Variants in LRRTM3 observed in about 807,000 individuals in gnomAD.
The protein encoded by LRRTM3 is leucine rich repeat transmembrane neuronal 3.
Under a neutral mutation model 44.7 loss-of-function variants are expected in LRRTM3, and 24 were observed. The observed-to-expected ratio is 0.54, with a 90% CI of 0.39 to 0.76. The LOEUF is 0.76. Among genes scored for constraint, LRRTM3 ranks in the 30% least tolerant of loss-of-function variants. LRRTM3 has a pLI of 0.00. For missense variants in LRRTM3, 587 were observed against 702.2 expected (o/e 0.84, Z 1.85); for synonymous variants, 277 against 278.7 (o/e 0.99, Z 0.06).
At chr10:66,978,506 G>A (rs1468379335) in intron 2 of LRRTM3, among the ~76,000 whole-genome samples, 1 of 78,530 alleles carries the variant, frequency 1.3e-5, no homozygotes, top group African/African-American at 4.3e-5. Flanking sequence ...CAGCCTGGAT[G>A]ATAGAGTGAG....
intron 2 of LRRTM3, among the ~76,000 whole-genome samples, chr10:67,013,776 T>G (rs986810152): frequency 6.6e-6 from 1 of 152,112 alleles, no homozygotes; most frequent in African/African-American, 2.4e-5. Flanking sequence ...ATCCTGGAAG[T>G]TTTTTTCCAA....
intron 2 of LRRTM3, among the ~76,000 whole-genome samples, chr10:66,994,399 A>T (rs1455874686): frequency 6.6e-6 from 1 of 152,182 alleles, no homozygotes; most frequent in African/African-American, 2.4e-5. Context: ...TCACTTAATA[A>T]ATGGAATGAA....
chr10:67,052,348 C>T (rs12765189), intron 2 of LRRTM3, among the ~76,000 whole-genome samples: 49,279 of 134,142 alleles, frequency 0.37, 8,350 homozygotes, highest in Middle Eastern at 0.56. Context: ...CTCTCTCTCT[C>T]TCTCTCATTA....
intron 2 of LRRTM3, among the ~76,000 whole-genome samples, chr10:67,003,146 G>A (rs781491348): frequency 4.6e-5 from 7 of 152,110 alleles, no homozygotes; most frequent in Non-Finnish European, 2.9e-5. Context: ...TCCCGCCACA[G>A]TGACTTCATT....
chr10:67,096,400 T>C (rs1331839647), intron 2 of LRRTM3, among the ~76,000 whole-genome samples: 1 of 151,802 alleles, frequency 6.6e-6, no homozygotes, highest in Non-Finnish European at 1.5e-5. Flanking sequence ...AGGCCTTCTA[T>C]TTTTCTTAGC....
At chr10:66,966,358 A>T (rs947710626) in intron 2 of LRRTM3, among the ~76,000 whole-genome samples, 1 of 152,138 alleles carries the variant, frequency 6.6e-6, no homozygotes, top group Non-Finnish European at 1.5e-5. Context: ...CTAATCCTAA[A>T]AGACTTTGTA....
intron 2 of LRRTM3, among the ~76,000 whole-genome samples, chr10:66,986,718 G>GT (rs1029362817): frequency 1.3e-5 from 2 of 152,062 alleles, no homozygotes; most frequent in African/African-American, 4.8e-5. Flanking sequence ...GGCTAATCAG[G>GT]TTGATTTATC....
intron 2 of LRRTM3, among the ~76,000 whole-genome samples, chr10:66,958,643 C>T (rs949024524): frequency 6.6e-6 from 1 of 152,034 alleles, no homozygotes; most frequent in African/African-American, 2.4e-5. Context: ...TTAACTCAGC[C>T]GGAACCAGAA....
At chr10:66,987,630 T>C (rs1850807657) in intron 2 of LRRTM3, among the ~76,000 whole-genome samples, 1 of 152,196 alleles carries the variant, frequency 6.6e-6, no homozygotes, top group Admixed American at 6.6e-5. Context: ...AAATGTCTTG[T>C]CCTTAAGCTT....
intron 2 of LRRTM3, among the ~76,000 whole-genome samples, chr10:66,960,032 G>A (rs1185373785): frequency 1.3e-5 from 2 of 152,006 alleles, no homozygotes; most frequent in African/African-American, 4.8e-5. Context: ...CTTCAAGCCA[G>A]GTATGTAAGT....
intron 2 of LRRTM3, among the ~76,000 whole-genome samples, chr10:67,071,385 T>C (rs1028741254): frequency 6.6e-6 from 1 of 151,726 alleles, no homozygotes; most frequent in African/African-American, 2.4e-5. Context: ...AATAGATATA[T>C]TTGTATTAGT....
rs1020193152 is a variant in LRRTM3, at chr10:67,035,456, A to AT, written c.1537-62122dup. ...AGTTGTTGCTCTTGTAGATGTTGGT[A>AT]TTTTTTTTTAATTTTGAAGTTGGGG... On this transcript the variant is annotated intron_variant, in intron 2 of 2. Transcript: ENST00000361320. Among the ~76,000 whole-genome samples, 51 of 151,498 alleles carry AT rather than the reference A, an allele frequency of 3.4e-4. 1 individual carries two copies. Among genetic ancestry groups the AT allele is most frequent in the South Asian group, 8.4e-4 (4 of 4,780 alleles).
chr10:67,057,099 C>A (rs1251568750), intron 2 of LRRTM3, among the ~76,000 whole-genome samples: 3 of 152,146 alleles, frequency 2.0e-5, no homozygotes, highest in African/African-American at 7.2e-5. Flanking sequence ...GTTAGCTGAT[C>A]TAAAACATTG....
At chr10:66,988,401 C>T in intron 2 of LRRTM3, among the ~76,000 whole-genome samples, 3 of 152,184 alleles carry the variant, frequency 2.0e-5, no homozygotes, top group Admixed American at 2.0e-4. Flanking sequence ...GATTTTCTAG[C>T]TATTACACAA....
chr10:67,045,585 T>C (rs113698684), intron 2 of LRRTM3, among the ~76,000 whole-genome samples: 3,323 of 152,260 alleles, frequency 0.022, 127 homozygotes, highest in African/African-American at 0.074. Context: ...CGAACTTCCA[T>C]TGCGTGACGG....
At chr10:67,072,723 GA>G (rs1243623439) in intron 2 of LRRTM3, among the ~76,000 whole-genome samples, 1 of 152,118 alleles carries the variant, frequency 6.6e-6, no homozygotes, top group Non-Finnish European at 1.5e-5. Flanking sequence ...TTCTCTTTCA[GA>G]AGTTTTCAGC....
intron 2 of LRRTM3, among the ~76,000 whole-genome samples, chr10:67,083,775 G>C (rs1416202123): frequency 2.6e-5 from 4 of 151,992 alleles, no homozygotes; most frequent in African/African-American, 7.3e-5. Flanking sequence ...AAATACATTA[G>C]TTCTCCCCAT....
At position 67,097,616 on chromosome 10, in the gene LRRTM3, T is replaced by A; in HGVS notation, c.1566T>A (p.Phe522Leu). The A allele has an allele frequency of 6.2e-7, 1 of 1,612,504 alleles. No homozygotes were observed. ...CTTTATCAATGAATGTGTCAACCTT[T>A]CTGGCATACGACCAGCCCACAATAA... ...EIPLSMNVST[F>L]LAYDQPTISY... is the part of the protein sequence containing the mutation. The change falls in exon 3 of 3, where the codon TTT becomes TTA. Residue 522 changes from phenylalanine (F) to leucine (L), a missense_variant. Physicochemically the swap from Phe to Leu is conservative, Grantham distance 22. Transcript: ENST00000361320.
intron 2 of LRRTM3, among the ~76,000 whole-genome samples, chr10:66,991,980 C>T (rs188160349): frequency 3.7e-4 from 57 of 152,220 alleles, no homozygotes; most frequent in African/African-American, 1.3e-3. Context: ...CTTCTTTCAC[C>T]GTATAAATCC....
Sources: gnomAD v4.1 joint callset for allele counts (sites outside exome capture counted in the v4.1 genomes callset) on GRCh38, gnomAD v4.1.1 for gene constraint, MANE v1.5 for transcripts, NCBI Gene and HGNC (gene_info 2026-07-23, HGNC 2026-07-21) for gene names.